ADAM32: variants seen among roughly 807,000 people sequenced by gnomAD.
ADAM32 encodes the protein ADAM metallopeptidase domain 32.
A neutral mutation model predicts 114.9 loss-of-function variants in ADAM32; 89 were observed. The ratio of observed to expected loss-of-function variants is 0.77; its 90% CI spans 0.65 to 0.92. The LOEUF (loss-of-function observed/expected upper bound fraction) is 0.92. Ranked by LOEUF, ADAM32 falls within the 40% of genes least tolerant of loss-of-function variation. The probability of loss-of-function intolerance (pLI) is 0.00; values close to 1 mark genes in which losing one functional copy is unlikely to be tolerated. For synonymous variants in ADAM32, 285 were observed against 307.5 expected (o/e 0.93, Z 0.77); for missense variants, 870 against 932.8 (o/e 0.93, Z 0.88).
intron 19 of ADAM32, among the ~76,000 whole-genome samples, chr8:39,261,691 G>T (rs192551170): frequency 1.3e-5 from 2 of 152,068 alleles, no homozygotes; most frequent in Non-Finnish European, 2.9e-5. Context: ...CCTTTTCTCT[G>T]CATTCTTGCC....
chr8:39,178,650 C>A (rs942186421), intron 10 of ADAM32, among the ~76,000 whole-genome samples: 1 of 152,150 alleles, frequency 6.6e-6, no homozygotes, highest in Non-Finnish European at 1.5e-5. Flanking sequence ...TCTTTGTGGG[C>A]TATCTACCTT....
At chr8:39,130,374 TTTTCA>T (rs1467455357) in intron 2 of ADAM32, among the ~76,000 whole-genome samples, 1 of 152,178 alleles carries the variant, frequency 6.6e-6, no homozygotes. Context: ...TGTTTTTTTG[TTTTCA>T]TTTCATTTAT....
At chr8:39,217,663 T>C (rs1041595948) in intron 12 of ADAM32, among the ~76,000 whole-genome samples, 1 of 152,242 alleles carries the variant, frequency 6.6e-6, no homozygotes, top group Non-Finnish European at 1.5e-5. Flanking sequence ...TGATGCATTC[T>C]TCAGTAGGTC....
chr8:39,121,994 G>A lies in ADAM32; in HGVS notation c.138+3829G>A, dbSNP rs542111440. On this transcript the variant is annotated intron_variant, in intron 2 of 24. Transcript: ENST00000379907. The stretch of plus-strand genomic sequence containing the variant: ...CTTTCTTTTTTTCTGGTTTCTCCTT[G>A]TTGGCATGGGAATAGCTATTCTATG... Among the ~76,000 whole-genome samples the A allele has an allele frequency of 8.5e-5, 13 of 152,222 alleles. No individual in the cohort carries two copies. In the Middle Eastern group the frequency reaches 0.014, roughly 159 times the overall value.
intron 24 of ADAM32, 32 bp from the exon 25 acceptor site, chr8:39,284,761 T>C: frequency 2.5e-6 from 4 of 1,613,450 alleles, no homozygotes; most frequent in Non-Finnish European, 2.5e-6. Flanking sequence ...TGTCAGTACT[T>C]TGAGCACGTG....
chr8:39,137,391 T>C lies in ADAM32; in HGVS notation c.200+673T>C, dbSNP rs537208203. On this transcript the variant is annotated intron_variant, in intron 3 of 24. Coordinates refer to ENST00000379907, the MANE Select transcript of ADAM32 (RefSeq NM_145004.7). Reference sequence around the variant, plus strand: ...ACATCCCTCAGAGAAAAAAGAGGCTTACATGAATATTTTTGAAGAAAGAGA... The same window carrying C: ...ACATCCCTCAGAGAAAAAAGAGGCTCACATGAATATTTTTGAAGAAAGAGA... Among the ~76,000 whole-genome samples the C allele has an allele frequency of 2.0e-4, 30 of 152,246 alleles. 1 individual carries two copies. The South Asian group carries it at 6.2e-3, about 32-fold the overall frequency.
At chr8:39,146,382 C>T (rs1351063005) in intron 3 of ADAM32, among the ~76,000 whole-genome samples, 5 of 151,346 alleles carry the variant, frequency 3.3e-5, no homozygotes, top group Non-Finnish European at 7.4e-5. Flanking sequence ...AAAACTCTTA[C>T]AATCCAACAT....
intron 12 of ADAM32, chr8:39,221,103 T>A (rs1808929015): frequency 6.6e-6 from 1 of 152,206 alleles, no homozygotes; most frequent in Non-Finnish European, 1.5e-5. Flanking sequence ...TTGGGTGCAC[T>A]GTATTTAGAA....
intron 16 of ADAM32, among the ~76,000 whole-genome samples, chr8:39,242,065 C>T (rs1281874305): frequency 6.6e-6 from 1 of 152,188 alleles, no homozygotes; most frequent in Non-Finnish European, 1.5e-5. Context: ...TTCCACAAAT[C>T]TCTAGGGCAT....
intron 3 of ADAM32, 91 bp from the exon 4 acceptor site, chr8:39,147,039 G>T (rs769244100): frequency 2.7e-5 from 13 of 480,282 alleles, no homozygotes; most frequent in Non-Finnish European, 3.9e-5. Context: ...CAGAGGGTGG[G>T]TCAGATTTTG....
In ADAM32 at chr8:39,164,972, G is replaced by T. The variant is rs1191835183; in HGVS notation, c.667-58G>T. 15 of 1,528,128 alleles carry T rather than the reference G, an allele frequency of 9.8e-6. No individual in the cohort carries two copies. The Admixed American group carries it at 1.1e-4, about 11-fold the overall frequency. The allele number at this position is 1,528,128 out of a possible 1,614,324, so 94.7% of individuals were successfully genotyped here. ...GATTGTAAAAACTTTGAATTTCTGG[G>T]TTTTTATAAGATAACATAAATATTA... On this transcript the variant is annotated intron_variant, in intron 8 of 24. Transcript: ENST00000379907.
At chr8:39,246,252 T>TGGTAGTG in intron 17 of ADAM32, 86 bp downstream of exon 17, 1 of 1,190,810 alleles carries the variant, frequency 8.4e-7, no homozygotes, top group Non-Finnish European at 1.2e-6. Flanking sequence ...TTTGGGTCAC[T>TGGTAGTG]ACCATGTGAC....
intron 10 of ADAM32, among the ~76,000 whole-genome samples, chr8:39,181,391 A>G (rs998668771): frequency 7.2e-5 from 11 of 152,156 alleles, no homozygotes; most frequent in Non-Finnish European, 1.3e-4. Flanking sequence ...CGAACCCACC[A>G]GAAGGAAGAA....
At position 39,272,912 on chromosome 8, in the gene ADAM32, T is replaced by C. The variant is rs1812822692; in HGVS notation, c.2202-1400T>C. Among the ~76,000 whole-genome samples the C allele has an allele frequency of 2.0e-5, 3 of 152,310 alleles. No homozygotes were observed. The South Asian group carries it at 6.2e-4, about 32-fold the overall frequency. On this transcript the variant is annotated intron_variant, in intron 20 of 24. Transcript: ENST00000379907. Reference sequence around the variant, plus strand: ...AAACACATTGTACAAATTCTTTATATCTTTATCGGCTTTTTTGTCTTAATT... The same window carrying C: ...AAACACATTGTACAAATTCTTTATACCTTTATCGGCTTTTTTGTCTTAATT...
chr8:39,259,991 C>T (rs532517421), intron 19 of ADAM32, among the ~76,000 whole-genome samples: 3 of 152,148 alleles, frequency 2.0e-5, no homozygotes, highest in African/African-American at 4.8e-5. Flanking sequence ...TCATGTGATT[C>T]GTACCAACAC....
At chr8:39,226,144 A>T (rs922876744) in intron 14 of ADAM32, among the ~76,000 whole-genome samples, 2 of 152,176 alleles carry the variant, frequency 1.3e-5, no homozygotes, top group African/African-American at 4.8e-5. Context: ...AGCAAAAGAA[A>T]GATCTGTGAA....
intron 11 of ADAM32, among the ~76,000 whole-genome samples, chr8:39,187,716 A>T (rs780382235): frequency 6.0e-5 from 9 of 150,356 alleles, no homozygotes; most frequent in African/African-American, 1.5e-4. Flanking sequence ...TGGAGACCAA[A>T]ATATATATAT....
intron 12 of ADAM32, among the ~76,000 whole-genome samples, chr8:39,216,114 T>C (rs72641210): frequency 6.6e-6 from 1 of 151,932 alleles, no homozygotes; most frequent in African/African-American, 2.4e-5. Flanking sequence ...ACAATTGTTA[T>C]ATACTCTTGC....
chr8:39,152,868 A>G (rs1000540935), intron 6 of ADAM32, among the ~76,000 whole-genome samples: 2 of 152,202 alleles, frequency 1.3e-5, no homozygotes, highest in African/African-American at 2.4e-5. Context: ...ATGGCCAATG[A>G]CGTGTGAGCA....
Sources: gnomAD v4.1 joint callset for allele counts (sites outside exome capture counted in the v4.1 genomes callset) on GRCh38, gnomAD v4.1.1 for gene constraint, MANE v1.5 for transcripts, NCBI Gene and HGNC (gene_info 2026-07-23, HGNC 2026-07-21) for gene names.